Variants in PARN observed in about 807,000 individuals in gnomAD.
PARN encodes poly(A)-specific ribonuclease.
Under a neutral mutation model 102.8 loss-of-function variants are expected in PARN, and 71 were observed. That is an observed-to-expected ratio of 0.69 (90% CI 0.57 to 0.84). The LOEUF (loss-of-function observed/expected upper bound fraction) is 0.84, where lower values mean the gene tolerates loss of function less well. Among genes scored for constraint, PARN ranks in the 40% least tolerant of loss-of-function variants. The pLI, the probability that PARN is intolerant of heterozygous loss-of-function variation, is 0.00. For missense variants in PARN, 782 were observed against 760.9 expected (o/e 1.03, Z -0.33); for synonymous variants, 261 against 252.9 (o/e 1.03, Z -0.30).
intron 16 of PARN, among the ~76,000 whole-genome samples, chr16:14,582,844 GGATCA>G (rs1969614868): frequency 6.6e-6 from 1 of 152,048 alleles, no homozygotes; most frequent in African/African-American, 2.4e-5. Flanking sequence ...GTTATTGTTA[GGATCA>G]GATAAGATAA....
At chr16:14,451,847 AAAAAAAAAAAAAAAAAAAATAC>A (rs1961463254) in intron 22 of PARN, among the ~76,000 whole-genome samples, 1 of 80,966 alleles carries the variant, frequency 1.2e-5, no homozygotes, top group African/African-American at 5.7e-5. Context: ...CGTCTCTAAA[AAAAAAAAAAAAAAAAAAAATAC>A]AAAAAAAAAA....
chr16:14,519,675 T>C (rs553985366), intron 21 of PARN, among the ~76,000 whole-genome samples: 4 of 152,178 alleles, frequency 2.6e-5, no homozygotes, highest in East Asian at 1.9e-4. Flanking sequence ...AATCATATTA[T>C]AGATTTCTCT....
intron 22 of PARN, among the ~76,000 whole-genome samples, chr16:14,467,918 C>T (rs913232074): frequency 2.0e-5 from 3 of 152,200 alleles, no homozygotes; most frequent in Non-Finnish European, 4.4e-5. Flanking sequence ...TACAGGATCT[C>T]CTGCTCATTC....
At chr16:14,578,811 C>T (rs1220777282) in intron 18 of PARN, among the ~76,000 whole-genome samples, 1 of 152,146 alleles carries the variant, frequency 6.6e-6, no homozygotes, top group East Asian at 1.9e-4. Flanking sequence ...CAAATCCCAC[C>T]TCCTATTCAA....
intron 23 of PARN, among the ~76,000 whole-genome samples, chr16:14,444,764 A>C (rs1281210416): frequency 6.6e-6 from 1 of 152,156 alleles, no homozygotes. Flanking sequence ...AGTGGTAATA[A>C]AGGTATGAAA....
At chr16:14,531,131 A>T (rs1460794281) in intron 21 of PARN, among the ~76,000 whole-genome samples, 1 of 152,150 alleles carries the variant, frequency 6.6e-6, no homozygotes, top group Non-Finnish European at 1.5e-5. Flanking sequence ...CAGGCAGATC[A>T]CTTGGAGTTT....
intron 22 of PARN, among the ~76,000 whole-genome samples, chr16:14,461,868 T>C (rs1480727070): frequency 1.3e-5 from 2 of 152,226 alleles, no homozygotes; most frequent in Non-Finnish European, 2.9e-5. Context: ...ATGACATGTT[T>C]TGCTGTCTGA....
intron 21 of PARN, among the ~76,000 whole-genome samples, chr16:14,488,192 A>T (rs559061727): frequency 6.6e-6 from 1 of 151,206 alleles, no homozygotes; most frequent in East Asian, 1.9e-4. Context: ...CATGGGGGGG[A>T]AAAAAAAAGA....
chr16:14,583,801 C>T (rs1451991096), intron 16 of PARN, among the ~76,000 whole-genome samples: 1 of 152,158 alleles, frequency 6.6e-6, no homozygotes, highest in Non-Finnish European at 1.5e-5. Flanking sequence ...GTAGGCTCTC[C>T]ACATACCTTG....
intron 2 of PARN, among the ~76,000 whole-genome samples, chr16:14,628,740 T>C (rs1039639069): frequency 6.6e-6 from 1 of 152,206 alleles, no homozygotes; most frequent in Non-Finnish European, 1.5e-5. Context: ...AACTAGACAC[T>C]ACCTAAAGCC....
At chr16:14,624,444 A>G (rs1179311825) in intron 5 of PARN, among the ~76,000 whole-genome samples, 3 of 152,150 alleles carry the variant, frequency 2.0e-5, no homozygotes, top group African/African-American at 7.2e-5. Flanking sequence ...CATCTGTTTT[A>G]GACATTACTC....
chr16:14,553,637 G>A (rs1967467478), intron 20 of PARN, among the ~76,000 whole-genome samples: 1 of 152,150 alleles, frequency 6.6e-6, no homozygotes, highest in Non-Finnish European at 1.5e-5. Flanking sequence ...GAAAGAGAAG[G>A]ACTGCCCTAC....
intron 22 of PARN, among the ~76,000 whole-genome samples, chr16:14,457,882 A>G (rs918307699): frequency 2.0e-5 from 3 of 150,610 alleles, no homozygotes; most frequent in African/African-American, 7.3e-5. Context: ...GTCTGGTAAT[A>G]AGGACATCTC....
rs190957278 is a variant in PARN, at chr16:14,607,380, G to A, written c.660-854C>T. ...GTGCCACCATGTCCGGCTAAATTTT[G>A]TATTTGTAGTAGAGACGGGGTTTCA... On this transcript the variant is annotated intron_variant, in intron 9 of 23. Coordinates refer to ENST00000437198, the MANE Select transcript of PARN (RefSeq NM_002582.4). Among the ~76,000 whole-genome samples the A allele has an allele frequency of 1.2e-3, 182 of 152,006 alleles. 2 individuals carry two copies. Among genetic ancestry groups the A allele is most frequent in the Admixed American group, 0.012 (177 of 15,244 alleles).
Position 14,493,933 on chromosome 16 carries a change from A to G in PARN, c.1481-11106T>C, listed in dbSNP as rs117941873. Among the ~76,000 whole-genome samples, 549 of 152,382 alleles carry G rather than the reference A, an allele frequency of 3.6e-3. 2 individuals carry two copies. Among genetic ancestry groups the G allele is most frequent in the Middle Eastern group, 6.8e-3 (2 of 294 alleles). ...AGCCACCATTTACTAAGTACTTACT[A>G]TAATGCTTGTAAAGAACTATGCTAA... On this transcript the variant is annotated intron_variant, in intron 21 of 23. Transcript: ENST00000437198.
chr16:14,573,978 A>G (rs1050305144), intron 18 of PARN, among the ~76,000 whole-genome samples: 11 of 152,254 alleles, frequency 7.2e-5, no homozygotes, highest in African/African-American at 2.7e-4. Context: ...CTGAAAAGCT[A>G]TCAAAAAATG....
At chr16:14,442,771 C>T (rs973898652) in intron 23 of PARN, among the ~76,000 whole-genome samples, 1 of 152,168 alleles carries the variant, frequency 6.6e-6, no homozygotes, top group East Asian at 1.9e-4. Flanking sequence ...CCATTCCCAG[C>T]TAATTTTTGT....
At position 14,580,949 on chromosome 16, in the gene PARN, GAAGAA is replaced by G. The variant is rs1185132418; in HGVS notation, c.1193-11_1193-7del. 2 of 1,580,348 alleles carry G rather than the reference GAAGAA, an allele frequency of 1.3e-6. No homozygotes were observed. The highest frequency in any genetic ancestry group is 1.1e-5 in the South Asian group (1 of 90,182). On this transcript the variant is annotated splice_region_variant and splice_polypyrimidine_tract_variant and intron_variant, in intron 17 of 23. Transcript: ENST00000437198. Reference sequence around the variant, plus strand: ...TGGAGGGCTGAGAAAAGAACCTAATGAAGAAAAGAAGAGAGGTATTATTATTCATA... The same window carrying G: ...TGGAGGGCTGAGAAAAGAACCTAATGAAGAAGAGAGGTATTATTATTCATA...
At chr16:14,496,208 C>A (rs1000391169) in intron 21 of PARN, among the ~76,000 whole-genome samples, 2 of 152,198 alleles carry the variant, frequency 1.3e-5, no homozygotes, top group African/African-American at 4.8e-5. Flanking sequence ...GCTCCCTGAC[C>A]CTGACGCATG....
Sources: gnomAD v4.1 joint callset for allele counts (sites outside exome capture counted in the v4.1 genomes callset) on GRCh38, gnomAD v4.1.1 for gene constraint, MANE v1.5 for transcripts, NCBI Gene and HGNC (gene_info 2026-07-23, HGNC 2026-07-21) for gene names.